ZC3H12B: variants seen among roughly 807,000 people sequenced by gnomAD.
The protein encoded by ZC3H12B is zinc finger CCCH-type containing 12B.
Under a neutral mutation model 43.9 loss-of-function variants are expected in ZC3H12B, and 7 were observed. The ratio of observed to expected loss-of-function variants is 0.16; its 90% confidence interval spans 0.09 to 0.30. The LOEUF is 0.30. Ranked by LOEUF, ZC3H12B falls within the 10% of genes least tolerant of loss-of-function variation. ZC3H12B has a pLI of 1.00. For missense variants in ZC3H12B, 475 were observed against 670.2 expected, an observed-to-expected ratio of 0.71 and a Z score of 3.22; for synonymous variants, 222 against 241.7, an observed-to-expected ratio of 0.92 and a Z score of 0.76.
At chrX:65,212,014 TATATA>T in the ZC3H12B span, among the ~76,000 whole-genome samples, 1 of 66,052 alleles carries the variant, frequency 1.5e-5, no homozygotes, top group African/African-American at 6.4e-5. Context: ...TACTATATAA[TATATA>T]ATATATATGT....
the ZC3H12B span, among the ~76,000 whole-genome samples, chrX:65,157,822 G>A: frequency 1.9e-5 from 2 of 106,502 alleles, no homozygotes; most frequent in Non-Finnish European, 3.9e-5. Flanking sequence ...TGCACAATAT[G>A]CAGGTTAGTT....
At chrX:65,067,281 A>G in the ZC3H12B span, among the ~76,000 whole-genome samples, 3 of 111,822 alleles carry the variant, frequency 2.7e-5, no homozygotes, top group Non-Finnish European at 3.8e-5. Flanking sequence ...GTAGGCACCC[A>G]AAGGAATCTC....
At chrX:65,461,977 T>C (rs2067756257) in intron 3 of ZC3H12B, among the ~76,000 whole-genome samples, 1 of 109,059 alleles carries the variant, frequency 9.2e-6, no homozygotes, top group Non-Finnish European at 1.9e-5. Flanking sequence ...CAAAAACCTA[T>C]AGAAATAAAA....
the ZC3H12B span, among the ~76,000 whole-genome samples, chrX:65,173,929 G>T: frequency 9.0e-6 from 1 of 111,128 alleles, no homozygotes; most frequent in Non-Finnish European, 1.9e-5. Context: ...TTCTTATGTG[G>T]GGGTCCTTTT....
At chrX:65,391,922 C>A (rs192640948) in intron 2 of ZC3H12B, among the ~76,000 whole-genome samples, 69 of 111,417 alleles carry the variant, frequency 6.2e-4, no homozygotes, top group African/African-American at 2.2e-3. Context: ...CGCACCACCA[C>A]GCCTGACTGG....
the ZC3H12B span, among the ~76,000 whole-genome samples, chrX:65,263,978 C>A: frequency 9.0e-6 from 1 of 110,933 alleles, no homozygotes; most frequent in Non-Finnish European, 1.9e-5. Flanking sequence ...TACTGCTCAG[C>A]CATAAAAAAA....
At chrX:65,140,532 A>G in the ZC3H12B span, among the ~76,000 whole-genome samples, 2 of 111,851 alleles carry the variant, frequency 1.8e-5, no homozygotes, top group African/African-American at 3.2e-5. Flanking sequence ...ATCTATGTTC[A>G]TCAGAGATTT....
chrX:65,173,209 TTG>T, the ZC3H12B span, among the ~76,000 whole-genome samples: 1 of 111,898 alleles, frequency 8.9e-6, no homozygotes, highest in East Asian at 2.8e-4. Context: ...CACTCATGAT[TTG>T]TCTGTCTGCT....
At chrX:65,121,373 T>A in the ZC3H12B span, among the ~76,000 whole-genome samples, 6 of 111,705 alleles carry the variant, frequency 5.4e-5, no homozygotes, top group Non-Finnish European at 9.4e-5. Flanking sequence ...CCTGGTTTAG[T>A]CTTGGGAGGG....
At chrX:65,102,237 AAAT>A in the ZC3H12B span, among the ~76,000 whole-genome samples, 59 of 111,945 alleles carry the variant, frequency 5.3e-4, no homozygotes, top group African/African-American at 1.8e-3. Flanking sequence ...ATATATCTCA[AAAT>A]AATAAGAGCT....
intron 3 of ZC3H12B, among the ~76,000 whole-genome samples, chrX:65,448,155 A>C (rs1489961173): frequency 9.0e-6 from 1 of 110,961 alleles, no homozygotes; most frequent in Non-Finnish European, 1.9e-5. Flanking sequence ...GAATGGCGTG[A>C]ACCCAGGAGG....
At chrX:65,146,488 T>A in the ZC3H12B span, among the ~76,000 whole-genome samples, 1 of 111,749 alleles carries the variant, frequency 8.9e-6, no homozygotes, top group African/African-American at 3.3e-5. Flanking sequence ...TTGGTTTGGG[T>A]CCATTGCTGA....
At chrX:65,106,646 G>A in the ZC3H12B span, among the ~76,000 whole-genome samples, 1 of 110,875 alleles carries the variant, frequency 9.0e-6, no homozygotes, top group Non-Finnish European at 1.9e-5. Flanking sequence ...AGGGAAGGAG[G>A]TAGTTAAGAG....
At chrX:65,124,847 C>G in the ZC3H12B span, among the ~76,000 whole-genome samples, 16 of 111,057 alleles carry the variant, frequency 1.4e-4, no homozygotes, top group Admixed American at 1.2e-3. Context: ...CATTTCATAT[C>G]TTATTGACCT....
At chrX:65,308,554 C>T in the ZC3H12B span, among the ~76,000 whole-genome samples, 8 of 111,331 alleles carry the variant, frequency 7.2e-5, no homozygotes, top group Non-Finnish European at 1.3e-4. Flanking sequence ...CTTTAGCACC[C>T]CACTGTCAGT....
At chrX:65,353,128 G>A in the ZC3H12B span, among the ~76,000 whole-genome samples, 7 of 111,354 alleles carry the variant, frequency 6.3e-5, no homozygotes, top group Non-Finnish European at 1.3e-4. Context: ...TTAGTGCTCA[G>A]ATTACAGACA....
chrX:65,084,166 CAT>C, the ZC3H12B span, among the ~76,000 whole-genome samples: 2 of 111,910 alleles, frequency 1.8e-5, no homozygotes, highest in Non-Finnish European at 3.8e-5. Flanking sequence ...TACAAGAAAA[CAT>C]TGGAGAAAAT....
intron 2 of ZC3H12B, among the ~76,000 whole-genome samples, chrX:65,372,501 A>G (rs748829773): frequency 4.8e-5 from 4 of 83,429 alleles, no homozygotes; most frequent in African/African-American, 1.5e-4. Context: ...GGAAGGAAGG[A>G]AAGGAAGGAA....
rs183801986 is a variant in ZC3H12B at position 65,451,864 on chromosome X, G to A, written n.408-36782G>A. Among the ~76,000 whole-genome samples the A allele has an allele frequency of 2.5e-3, 284 of 111,738 alleles. 3 individuals are homozygous for A. The highest frequency in any genetic ancestry group is 8.7e-3 in the African/African-American group (267 of 30,800). On this transcript the variant is annotated intron_variant and non_coding_transcript_variant, in intron 3 of 5. Coordinates refer to the ZC3H12B transcript ENST00000617377. ...GAGCTTATAGTGTCTTGCTCCCTCT[G>A]GTGTTTCACTGGAGTACTGTAGGTT...
Sources: gnomAD v4.1 joint callset for allele counts (sites outside exome capture counted in the v4.1 genomes callset) on GRCh38, gnomAD v4.1.1 for gene constraint, MANE v1.5 for transcripts, NCBI Gene and HGNC (gene_info 2026-07-23, HGNC 2026-07-21) for gene names.